Variants in MRE11 observed in about 807,000 individuals in gnomAD.
MRE11 encodes the protein double-strand break repair protein MRE11.
MRE11 carries 62 observed loss-of-function variants against 91.7 expected under a neutral mutation model. That is an observed-to-expected ratio of 0.68 (90% CI 0.55 to 0.84). MRE11 has a LOEUF of 0.84. Among genes scored for constraint, MRE11 ranks in the 40% least tolerant of loss-of-function variants. MRE11 has a pLI of 0.00. For missense variants in MRE11, 796 were observed against 852.9 expected (o/e 0.93, Z 0.83); for synonymous variants, 273 against 271.4 (o/e 1.01, Z -0.06).
At chr11:94,505,715 T>C in the MRE11 span, among the ~76,000 whole-genome samples, 3 of 152,200 alleles carry the variant, frequency 2.0e-5, no homozygotes, top group African/African-American at 4.8e-5. Flanking sequence ...CGTTTGGTAA[T>C]GTCTTAGGCC....
At chr11:94,430,047 T>C (rs947141073) in intron 18 of MRE11, 61 bp from the exon 19 acceptor site, 11 of 1,558,040 alleles carry the variant, frequency 7.1e-6, no homozygotes, top group Non-Finnish European at 8.8e-6. Context: ...AAGTGTGCCT[T>C]TCTGGCTAAG....
At chr11:94,464,547 C>T (rs926479613) in intron 10 of MRE11, among the ~76,000 whole-genome samples, 1 of 152,164 alleles carries the variant, frequency 6.6e-6, no homozygotes, top group South Asian at 2.1e-4. Context: ...CCAAGCAAAC[C>T]ATCTGAAAAC....
chr11:94,450,230 T>C (rs1330160224), intron 14 of MRE11, among the ~76,000 whole-genome samples: 2 of 152,190 alleles, frequency 1.3e-5, no homozygotes, highest in Non-Finnish European at 2.9e-5. Flanking sequence ...TATCAGTGGC[T>C]CATAGAAAGC....
chr11:94,427,524 T>C (rs1945357065), intron 19 of MRE11, among the ~76,000 whole-genome samples: 1 of 152,120 alleles, frequency 6.6e-6, no homozygotes, highest in Non-Finnish European at 1.5e-5. Flanking sequence ...TTCAACATAG[T>C]ACTGGAAGTC....
At chr11:94,489,921 T>C (rs1300205803) in intron 3 of MRE11, among the ~76,000 whole-genome samples, 1 of 152,106 alleles carries the variant, frequency 6.6e-6, no homozygotes, top group Non-Finnish European at 1.5e-5. Context: ...TCACCCAAAC[T>C]CCACACACTT....
At chr11:94,497,316 TTC>T (rs1396297345), upstream of MRE11, 4 of 390,748 alleles carry the variant, frequency 1.0e-5, no homozygotes, top group African/African-American at 8.2e-5. Flanking sequence ...AGTAATATTC[TTC>T]TCTTTTATAG....
At chr11:94,450,327 T>C (rs1023326473) in intron 14 of MRE11, among the ~76,000 whole-genome samples, 5 of 152,056 alleles carry the variant, frequency 3.3e-5, no homozygotes, top group Non-Finnish European at 4.4e-5. Context: ...CTACCACAAA[T>C]AAAAGGAACC....
At chr11:94,497,162 A>G (rs1281797261), upstream of MRE11, 2 of 616,382 alleles carry the variant, frequency 3.2e-6, no homozygotes, top group Non-Finnish European at 5.6e-6. Flanking sequence ...AAAGATAGCA[A>G]GCAATCATCT....
intron 18 of MRE11, among the ~76,000 whole-genome samples, chr11:94,435,152 T>C (rs1317607137): frequency 4.6e-5 from 7 of 152,180 alleles, no homozygotes; most frequent in African/African-American, 1.4e-4. Flanking sequence ...TACAGTACCA[T>C]GTGTAGTTAA....
At chr11:94,479,814 C>T (rs2135092680) in intron 4 of MRE11, 53 bp from the exon 5 acceptor site, 3 of 1,424,058 alleles carry the variant, frequency 2.1e-6, no homozygotes, top group Non-Finnish European at 2.9e-6. Context: ...AGCTGTTTTC[C>T]CTAAGATTCT....
intron 18 of MRE11, 138 bp from the exon 19 acceptor site, chr11:94,430,124 C>A: frequency 1.1e-6 from 1 of 871,926 alleles, no homozygotes; most frequent in Non-Finnish European, 1.9e-6. Flanking sequence ...ACATTAGCGG[C>A]AATAAAACTT....
intron 19 of MRE11, among the ~76,000 whole-genome samples, chr11:94,423,248 T>A (rs557340891): frequency 6.6e-6 from 1 of 152,268 alleles, no homozygotes; most frequent in East Asian, 1.9e-4. Flanking sequence ...GGGCTGGTTC[T>A]TGGCCTTGAA....
At chr11:94,456,166 C>T in intron 14 of MRE11, 110 bp downstream of exon 14, 1 of 985,400 alleles carries the variant, frequency 1.0e-6, no homozygotes, top group South Asian at 1.4e-5. Flanking sequence ...CCAACCCCAG[C>T]TCACTCCTAT....
At chr11:94,500,510 TAGCTC>T in the MRE11 span, among the ~76,000 whole-genome samples, 1 of 152,222 alleles carries the variant, frequency 6.6e-6, no homozygotes, top group African/African-American at 2.4e-5. Flanking sequence ...GCCGGCTAAA[TAGCTC>T]AGTTTACAAA....
Position 94,420,303 on chromosome 11 carries a change from T to C in MRE11, c.2071-122A>G, listed in dbSNP as rs1013236270. ...TTTCACATGGGATAGACTTTATTTT[T>C]CTATTTCCTTTATAACTGCAAAATA... is the stretch of plus-strand genomic sequence containing the variant. On this transcript the variant is annotated intron_variant, in intron 19 of 19. Transcript: ENST00000323929. 3 of 728,670 alleles carry C rather than the reference T, an allele frequency of 4.1e-6. No homozygotes were observed. In the African/African-American group the frequency reaches 5.3e-5, roughly 13 times the overall value. 45.1% of individuals were successfully genotyped at this position (728,670 alleles called of 1,614,324 possible).
At chr11:94,422,527 A>C (rs1239831277) in intron 19 of MRE11, among the ~76,000 whole-genome samples, 1 of 148,856 alleles carries the variant, frequency 6.7e-6, no homozygotes, top group Non-Finnish European at 1.5e-5. Context: ...TCCAAATATA[A>C]GTAAATGGTA....
At chr11:94,459,670 A>G in intron 12 of MRE11, 89 bp from the exon 13 acceptor site, 1 of 1,394,242 alleles carries the variant, frequency 7.2e-7, no homozygotes. Flanking sequence ...CAAATATGTT[A>G]CCAGAGAAAA....
Position 94,492,911 on chromosome 11 carries a change from A to T in MRE11, c.-105-5T>A, listed in dbSNP as rs1947327187. On this transcript the variant is annotated splice_region_variant and splice_polypyrimidine_tract_variant and intron_variant, in intron 1 of 19. Transcript: ENST00000323929. Reference sequence around the variant, plus strand: ...CGATTCCAAATTCTAGAAATTCTAAAAACAAAATTACATCATAAAACACAT... The same window carrying T: ...CGATTCCAAATTCTAGAAATTCTAATAACAAAATTACATCATAAAACACAT... 1.1e-5 allele frequency: 11 copies of T among 1,008,796 alleles called. No homozygotes were observed. In the Admixed American group the frequency reaches 1.6e-4, roughly 15 times the overall value. The allele number at this position is 1,008,796 out of a possible 1,614,324, so 62.5% of individuals were successfully genotyped here.
rs1247579374 is a variant in MRE11, at chr11:94,461,385, T to C, written c.1226-349A>G. 3.9e-5 allele frequency among the ~76,000 whole-genome samples: 6 copies of C among 152,210 alleles called. No homozygotes were observed. The East Asian group carries it at 1.2e-3, about 29-fold the overall frequency. Reference sequence around the variant, plus strand: ...TTTGCCATTTTGCCATCTGCCATCATTGCTACACTGACGATGCAAAAGCAA... The same window carrying C: ...TTTGCCATTTTGCCATCTGCCATCACTGCTACACTGACGATGCAAAAGCAA... On this transcript the variant is annotated intron_variant, in intron 11 of 19. Transcript: ENST00000323929.
Sources: gnomAD v4.1 joint callset for allele counts (sites outside exome capture counted in the v4.1 genomes callset) on GRCh38, gnomAD v4.1.1 for gene constraint, MANE v1.5 for transcripts, NCBI Gene and HGNC (gene_info 2026-07-23, HGNC 2026-07-21) for gene names.